Variants in SLC12A6 observed in about 807,000 individuals in gnomAD.
SLC12A6 encodes K-Cl cotransporter 3.
In SLC12A6, 66 loss-of-function variants were observed where a neutral mutation model predicts 135.3. That is an observed-to-expected ratio of 0.49 (90% CI 0.40 to 0.60). The LOEUF (loss-of-function observed/expected upper bound fraction) is 0.60, where lower values mean the gene tolerates loss of function less well. Among genes scored for constraint, SLC12A6 ranks in the 20% least tolerant of loss-of-function variants. SLC12A6 has a pLI of 0.00. For synonymous variants in SLC12A6, 513 were observed against 508.8 expected, an observed-to-expected ratio of 1.01 and a Z score of -0.11; for missense variants, 1,058 against 1,452.3, an observed-to-expected ratio of 0.73 and a Z score of 4.41.
Position 34,232,527 on chromosome 15 carries a change from C to T in SLC12A6, c.*1354G>A, listed in dbSNP as rs1271124351. On this transcript the variant is annotated 3_prime_UTR_variant, in exon 26 of 26. Coordinates refer to ENST00000354181, the MANE Select transcript of SLC12A6 (RefSeq NM_001365088.1). ...ACAGGTGTGAGCCACGGCACCCGGC[C>T]TGAAGTTTCTGAAAACAAATTAGAA... is the stretch of plus-strand genomic sequence containing the variant. 1 of 152,238 alleles carries T rather than the reference C, an allele frequency of 6.6e-6. No individual in the cohort carries two copies. Among genetic ancestry groups the T allele is most frequent in the Non-Finnish European group, 1.5e-5 (1 of 68,052 alleles). The allele number at this position is 152,238 out of a possible 1,614,324, so 9.4% of individuals were successfully genotyped here. A position where few individuals can be genotyped will look rare whatever the true frequency, so the allele number is the denominator to read the frequency against.
intron 2 of SLC12A6, among the ~76,000 whole-genome samples, chr15:34,283,553 GA>G (rs1322513560): frequency 6.6e-6 from 1 of 152,012 alleles, no homozygotes; most frequent in Non-Finnish European, 1.5e-5. Context: ...TAGGACAGAG[GA>G]ACAGCTGTGA....
intron 3 of SLC12A6, among the ~76,000 whole-genome samples, chr15:34,271,280 T>A (rs1206305914): frequency 6.6e-6 from 1 of 152,100 alleles, no homozygotes; most frequent in African/African-American, 2.4e-5. Context: ...CTCAACTTGA[T>A]GAGGGGATAA....
rs1566807723 is a variant in SLC12A6, at chr15:34,245,808, C to T, written c.1709G>A (p.Trp570Ter). 1.2e-6 allele frequency: 2 copies of T among 1,613,622 alleles called. No homozygotes were observed. Among genetic ancestry groups the T allele is most frequent in the Non-Finnish European group, 8.5e-7 (1 of 1,179,538 alleles). ...VVGTLSWPSPWVIVIGSFFST... is the reference protein window; with the variant it reads ...VVGTLSWPSP Reference sequence around the variant, plus strand: ...AAAGAAGGAGCCAATAACAATCACCCATGGGGATGGCCAAGATAAGGTGCC... The same window carrying T: ...AAAGAAGGAGCCAATAACAATCACCTATGGGGATGGCCAAGATAAGGTGCC... The change falls in exon 14 of 26, where the codon TGG (tryptophan) becomes TAG (stop). Residue 570 changes from tryptophan (W) to a stop codon, truncating the protein, a stop_gained. Coordinates refer to ENST00000354181, the MANE Select transcript of SLC12A6 (RefSeq NM_001365088.1). LOFTEE classifies it high-confidence loss of function.
Position 34,232,294 on chromosome 15 carries a change from C to T in SLC12A6, c.*1587G>A, listed in dbSNP as rs1370663241. 6.6e-6 allele frequency: 1 copy of T among 152,254 alleles called. No individual in the cohort carries two copies. The highest frequency in any genetic ancestry group is 6.5e-5 in the Admixed American group (1 of 15,286). The allele number at this position is 152,254 out of a possible 1,614,324, so 9.4% of individuals were successfully genotyped here. On this transcript the variant is annotated 3_prime_UTR_variant, in exon 26 of 26. Transcript: ENST00000354181. ...CCAGGCTGGAGTGCAGAGGTGCAAT[C>T]CTGGCTCACTGCAACCTCCGCCTCC...
At position 34,323,986 on chromosome 15, in the gene SLC12A6, G is replaced by A. The variant is rs146618770; in HGVS notation, c.271+12424C>T. On this transcript the variant is annotated intron_variant, in intron 2 of 25. Transcript: ENST00000354181. Reference sequence around the variant, plus strand: ...AAAGATGTAGCACAAACATTGGTGGGGAGTGTAAAATGGCACAATCATTTT... The same window carrying A: ...AAAGATGTAGCACAAACATTGGTGGAGAGTGTAAAATGGCACAATCATTTT... Among the ~76,000 whole-genome samples the A allele has an allele frequency of 8.1e-3, 1,222 of 151,482 alleles. 7 individuals carry two copies. The highest frequency in any genetic ancestry group is 0.014 in the Middle Eastern group (4 of 292).
At chr15:34,298,491 T>TAAAC (rs1031647850) in intron 2 of SLC12A6, among the ~76,000 whole-genome samples, 1 of 150,672 alleles carries the variant, frequency 6.6e-6, no homozygotes, top group African/African-American at 2.4e-5. Context: ...AATAAATAAA[T>TAAAC]AAATAAATAA....
chr15:34,328,974 C>T (rs60156693), intron 2 of SLC12A6, among the ~76,000 whole-genome samples: 28,167 of 152,168 alleles, frequency 0.19, 2,918 homozygotes, highest in East Asian at 0.33. Flanking sequence ...TGTTTTTCCA[C>T]ATACTTGTAA....
At chr15:34,285,270 A>G (rs1474107361) in intron 2 of SLC12A6, among the ~76,000 whole-genome samples, 1 of 152,202 alleles carries the variant, frequency 6.6e-6, no homozygotes, top group Non-Finnish European at 1.5e-5. Context: ...ATCAGATCAG[A>G]AATACTAGAG....
At chr15:34,277,030 C>T (rs1359331500) in intron 2 of SLC12A6, among the ~76,000 whole-genome samples, 1 of 152,010 alleles carries the variant, frequency 6.6e-6, no homozygotes, top group African/African-American at 2.4e-5. Context: ...CCTTAATTTG[C>T]TTTGAAAAAG....
Position 34,232,997 on chromosome 15 carries a change from T to C in SLC12A6, c.*884A>G, listed in dbSNP as rs1891040213. ...GGGCGGGGGGAGAAGAACCTGTTGA[T>C]TAATGTGCACCATGACCTGCATTTC... On this transcript the variant is annotated 3_prime_UTR_variant, in exon 26 of 26. Transcript: ENST00000354181. 1 of 152,112 alleles carries C rather than the reference T, an allele frequency of 6.6e-6. No individual in the cohort carries two copies. Among genetic ancestry groups the C allele is most frequent in the Admixed American group, 6.6e-5 (1 of 15,264 alleles). The allele number at this position is 152,112 out of a possible 1,614,324, so 9.4% of individuals were successfully genotyped here. A position where few individuals can be genotyped will look rare whatever the true frequency, so the allele number is the denominator to read the frequency against.
rs748946677 is a variant in SLC12A6 at position 34,317,855 on chromosome 15, G to C, written c.271+18555C>G. ...TATTTAATACTATAATATTAACAAA[G>C]ATTTAATTGCTTGTTTAAAAATTCA... On this transcript the variant is annotated intron_variant, in intron 2 of 25. Transcript: ENST00000354181. Among the ~76,000 whole-genome samples, 13 of 152,106 alleles carry C rather than the reference G, an allele frequency of 8.5e-5. No homozygotes were observed. The East Asian group carries it at 2.3e-3, about 27-fold the overall frequency.
intron 2 of SLC12A6, among the ~76,000 whole-genome samples, chr15:34,334,070 CAAAAAAAAA>C (rs142330391): frequency 1.2e-5 from 1 of 80,100 alleles, no homozygotes; most frequent in East Asian, 4.0e-4. Flanking sequence ...AACTCCATCT[CAAAAAAAAA>C]AAAAACAAAA....
At position 34,336,473 on chromosome 15, in the gene SLC12A6, G is replaced by A. The variant is rs1890204303; in HGVS notation, c.208C>T (p.Leu70=). 3 of 1,613,528 alleles carry A rather than the reference G, an allele frequency of 1.9e-6. No individual in the cohort carries two copies. Among genetic ancestry groups the A allele is most frequent in the African/African-American group, 2.7e-5 (2 of 74,912 alleles). Residue 70 remains leucine (L), a synonymous_variant, in exon 2 of 26, where the codon CTG becomes TTG. Coordinates refer to ENST00000354181, the MANE Select transcript of SLC12A6 (RefSeq NM_001365088.1). ...GGTGGATCCAGTGCAACAGTTGCCA[G>A]CGAAGTGGTGGCCCCAGACATCTCA... ...MSEMSGATTS[L]ATVALDPPSD... is the part of the protein sequence containing the mutation.
intron 4 of SLC12A6, 90 bp downstream of exon 4, chr15:34,260,836 T>TGG: frequency 1.4e-6 from 1 of 726,474 alleles, no homozygotes; most frequent in South Asian, 1.5e-5. Flanking sequence ...ATCCAGCTTG[T>TGG]AAAATTTTTA....
intron 3 of SLC12A6, among the ~76,000 whole-genome samples, chr15:34,264,115 CTAAT>C (rs148653862): frequency 0.01 from 1,589 of 152,068 alleles, 34 homozygotes; most frequent in African/African-American, 0.036. Flanking sequence ...AGCATTCCAG[CTAAT>C]TAATGATAGA....
chr15:34,289,955 A>G (rs1005351200), intron 2 of SLC12A6, among the ~76,000 whole-genome samples: 4 of 151,096 alleles, frequency 2.6e-5, no homozygotes, highest in African/African-American at 9.7e-5. Flanking sequence ...TTTTTAAGGG[A>G]TTTTGTGTCC....
chr15:34,260,613 T>TA, intron 4 of SLC12A6, among the ~76,000 whole-genome samples: 1 of 152,312 alleles, frequency 6.6e-6, no homozygotes, highest in Middle Eastern at 3.4e-3. Context: ...GGTGGAGAAA[T>TA]ACACTGATTT....
Position 34,287,731 on chromosome 15 carries a change from A to G in SLC12A6, c.272-12342T>C, listed in dbSNP as rs113883599. On this transcript the variant is annotated intron_variant, in intron 2 of 25. Transcript: ENST00000354181. ...ATTTGCATTTCTCTGATGACCAGTG[A>G]TGATGAGCATTTTTTCATATGTCTG... 1.6e-3 allele frequency among the ~76,000 whole-genome samples: 246 copies of G among 152,320 alleles called. 3 individuals carry two copies. Among genetic ancestry groups the G allele is most frequent in the African/African-American group, 5.7e-3 (236 of 41,574 alleles).
intron 3 of SLC12A6, among the ~76,000 whole-genome samples, chr15:34,264,133 A>T (rs1893338792): frequency 6.6e-6 from 1 of 152,208 alleles, no homozygotes; most frequent in African/African-American, 2.4e-5. Context: ...TGATAGATGG[A>T]ATGACAGAAA....
Sources: gnomAD v4.1 joint callset for allele counts (sites outside exome capture counted in the v4.1 genomes callset) on GRCh38, gnomAD v4.1.1 for gene constraint, MANE v1.5 for transcripts, NCBI Gene and HGNC (gene_info 2026-07-23, HGNC 2026-07-21) for gene names.